Variants in USP25 observed in about 807,000 individuals in gnomAD.
The protein encoded by USP25 is ubiquitin specific peptidase 25.
A neutral mutation model predicts 158.5 loss-of-function variants in USP25; 85 were observed. The observed-to-expected ratio is 0.54, with a 90% CI of 0.45 to 0.64. The LOEUF (loss-of-function observed/expected upper bound fraction) is 0.64. Ranked by LOEUF, USP25 falls within the 30% of genes least tolerant of loss-of-function variation. The probability of loss-of-function intolerance (pLI) is 0.00; values close to 1 mark genes in which losing one functional copy is unlikely to be tolerated. For missense variants in USP25, 1,242 were observed against 1,327.3 expected (o/e 0.94, Z 1.00); for synonymous variants, 464 against 460.4 (o/e 1.01, Z -0.10).
intron 10 of USP25, among the ~76,000 whole-genome samples, chr21:15,819,810 A>G (rs1040840757): frequency 3.3e-5 from 5 of 152,018 alleles, no homozygotes; most frequent in African/African-American, 9.7e-5. Flanking sequence ...TTTCTTAAAG[A>G]TGCAGTTAAC....
At chr21:15,838,457 G>T (rs1237644849) in intron 17 of USP25, among the ~76,000 whole-genome samples, 11 of 151,926 alleles carry the variant, frequency 7.2e-5, no homozygotes, top group Admixed American at 7.2e-4. Flanking sequence ...GTAGCTCTTT[G>T]TCCCGGATAA....
At chr21:15,878,115 TCA>T in intron 25 of USP25, 124 bp downstream of exon 25, 1 of 1,031,414 alleles carries the variant, frequency 9.7e-7, no homozygotes, top group South Asian at 1.9e-5. Context: ...ATTTTCACAT[TCA>T]CATGATTACT....
In USP25 at chr21:15,874,436, T is replaced by C; in HGVS notation, c.2919T>C (p.Ala973=). ...YIDSLLFLIC[A]YQNNKELLSK... ...ATTCCTTGCTGTTCCTCATCTGTGC[T>C]TATCAGAATAACAAAGAACTCTTGT... Residue 973 remains alanine (A), a synonymous_variant, in exon 24 of 26, where the codon GCT becomes GCC. Coordinates refer to ENST00000400183, the MANE Select transcript of USP25 (RefSeq NM_001283041.3). The C allele has an allele frequency of 6.2e-7, 1 of 1,610,510 alleles. No individual in the cohort carries two copies. Among genetic ancestry groups the C allele is most frequent in the Non-Finnish European group, 8.5e-7 (1 of 1,177,818 alleles).
intron 9 of USP25, among the ~76,000 whole-genome samples, chr21:15,817,059 G>A (rs2036974417): frequency 6.7e-6 from 1 of 150,328 alleles, no homozygotes; most frequent in Non-Finnish European, 1.5e-5. Flanking sequence ...TGGAACTCAG[G>A]AGGCGGAGTT....
intron 3 of USP25, among the ~76,000 whole-genome samples, chr21:15,775,653 A>G (rs947311012): frequency 3.3e-5 from 5 of 151,018 alleles, no homozygotes; most frequent in African/African-American, 1.2e-4. Context: ...AAAGCTGGAA[A>G]TTGGAGCCTG....
rs747354238 is a variant in USP25 at position 15,825,043 on chromosome 21, T to C, written c.1286T>C (p.Leu429Ser). 2 of 1,609,026 alleles carry C rather than the reference T, an allele frequency of 1.2e-6. No individual in the cohort carries two copies. Among genetic ancestry groups the C allele is most frequent in the Non-Finnish European group, 1.7e-6 (2 of 1,177,520 alleles). The change falls in exon 12 of 26, where the codon TTA (leucine) becomes TCA (serine). Residue 429 changes from leucine (L) to serine (S), a missense_variant. By Grantham distance (145) the Leu-to-Ser change is moderately radical (BLOSUM62 -2). This residue lies in a region of USP25 where 627 missense variants were observed against 701.4 expected (regional missense o/e 0.89). Transcript: ENST00000400183. ...AGACTGAAAGATTACCTCACGGTAT[T>C]ACAACAAAGGCTAGAAAGGTATTTT... Reference protein sequence around the residue: ...IKRLKDYLTVLQQRLERYLSY... With the variant: ...IKRLKDYLTVSQQRLERYLSY...
chr21:15,745,192 C>T (rs181177685), intron 1 of USP25: 16 of 152,316 alleles, frequency 1.1e-4, no homozygotes, highest in African/African-American at 3.1e-4. Context: ...CCCAGGGCCT[C>T]TGTCTTTTCC....
Position 15,831,381 on chromosome 21 carries a change from C to T in USP25, c.1765-20C>T, listed in dbSNP as rs201982348. Reference sequence around the variant, plus strand: ...TAAACTACATAATTGCAGTTTAACTCTTCTTTTTTTCACATTTAGGTTCCT... The same window carrying T: ...TAAACTACATAATTGCAGTTTAACTTTTCTTTTTTTCACATTTAGGTTCCT... On this transcript the variant is annotated intron_variant, in intron 15 of 25. Coordinates refer to ENST00000400183, the MANE Select transcript of USP25 (RefSeq NM_001283041.3). The T allele has an allele frequency of 1.6e-5, 26 of 1,610,812 alleles. No individual in the cohort carries two copies. In the Admixed American group the frequency reaches 3.8e-4, roughly 24 times the overall value.
At chr21:15,732,874 T>G (rs987002937) in intron 1 of USP25, among the ~76,000 whole-genome samples, 2 of 152,114 alleles carry the variant, frequency 1.3e-5, no homozygotes, top group African/African-American at 4.8e-5. Context: ...CCTTTTGATG[T>G]GTTCTTTGCT....
chr21:15,865,358 T>TA (rs2039610628), intron 21 of USP25, among the ~76,000 whole-genome samples: 1 of 152,124 alleles, frequency 6.6e-6, no homozygotes, highest in Admixed American at 6.5e-5. Flanking sequence ...AATACTGAGT[T>TA]AAAAGTGTAT....
intron 23 of USP25, among the ~76,000 whole-genome samples, chr21:15,874,146 G>A (rs16990763): frequency 0.01 from 1,582 of 152,228 alleles, 28 homozygotes; most frequent in African/African-American, 0.036. Context: ...GACTTTATCA[G>A]TTATTGCCTC....
At chr21:15,799,721 TCCCTCAGGTTA>T in intron 5 of USP25, 25 bp from the exon 6 acceptor site, 2 of 1,415,186 alleles carry the variant, frequency 1.4e-6, no homozygotes, top group Non-Finnish European at 1.9e-6. Context: ...AATGGAATTT[TCCCTCAGGTTA>T]TGTTAAATTG....
At position 15,843,194 on chromosome 21, in the gene USP25, C is replaced by T. The variant is rs1240927981; in HGVS notation, c.2337+654C>T. ...AGTGAATATGGCATTCTGAGAGAAG[C>T]TATTTCAAGAATTTGTTACTACTAA... On this transcript the variant is annotated intron_variant, in intron 18 of 25. Transcript: ENST00000400183. This position sits in a 1 kb window ranked among gnomAD's most constrained non-coding sequence, Gnocchi z 4.0. 6.6e-6 allele frequency among the ~76,000 whole-genome samples: 1 copy of T among 152,124 alleles called. No homozygotes were observed. Among genetic ancestry groups the T allele is most frequent in the Non-Finnish European group, 1.5e-5 (1 of 68,018 alleles).
chr21:15,867,318 T>G (rs2039699484), intron 22 of USP25, among the ~76,000 whole-genome samples: 1 of 152,086 alleles, frequency 6.6e-6, no homozygotes, highest in African/African-American at 2.4e-5. Context: ...GTACTTTAGA[T>G]TCCCTAAATA....
At chr21:15,754,609 G>T (rs1016431994) in intron 1 of USP25, among the ~76,000 whole-genome samples, 9 of 152,308 alleles carry the variant, frequency 5.9e-5, no homozygotes, top group Non-Finnish European at 1.3e-4. Flanking sequence ...GAAGGAGAAT[G>T]GTGTTCTGTA....
At chr21:15,762,829 T>C in intron 1 of USP25, 62 bp from the exon 2 acceptor site, 1 of 1,463,986 alleles carries the variant, frequency 6.8e-7, no homozygotes, top group South Asian at 1.3e-5. Context: ...TGATTTGTTT[T>C]CTTTTCCTAG....
At chr21:15,789,828 A>G (rs928126688) in intron 4 of USP25, among the ~76,000 whole-genome samples, 2 of 152,144 alleles carry the variant, frequency 1.3e-5, no homozygotes, top group African/African-American at 4.8e-5. Flanking sequence ...GAATACTGCC[A>G]TTTATAAAAG....
chr21:15,797,453 C>T (rs1047561853), intron 5 of USP25, among the ~76,000 whole-genome samples: 1 of 151,262 alleles, frequency 6.6e-6, no homozygotes, highest in Non-Finnish European at 1.5e-5. Context: ...CATCAAGTCA[C>T]ACATAAGCAG....
chr21:15,821,704 T>G (rs534022306), intron 10 of USP25, among the ~76,000 whole-genome samples: 1 of 152,138 alleles, frequency 6.6e-6, no homozygotes, highest in Non-Finnish European at 1.5e-5. Context: ...AGTTTTTGCT[T>G]CTTGTGCATA....
Sources: allele counts gnomAD v4.1 joint callset (sites outside exome capture counted in the v4.1 genomes callset), GRCh38; gene constraint gnomAD v4.1.1; regional missense constraint gnomAD v4.1.1; non-coding constraint Gnocchi (gnomAD v3.1); transcripts MANE v1.5; gene names NCBI Gene and HGNC (gene_info 2026-07-23, HGNC 2026-07-21).